The following RPH3A variants were observed in gnomAD, a reference collection of about 807,000 sequenced individuals.
RPH3A encodes the protein rabphilin 3A.
Under a neutral mutation model 102.2 loss-of-function variants are expected in RPH3A, and 48 were observed. The ratio of observed to expected loss-of-function variants is 0.47; its 90% CI spans 0.37 to 0.60. The LOEUF is 0.60. RPH3A is among the 20% of genes least tolerant of loss of function. The pLI is 0.00. For missense variants in RPH3A, 781 were observed against 910.1 expected (o/e 0.86, Z 1.83); for synonymous variants, 310 against 324.3 (o/e 0.96, Z 0.47).
At chr12:112,895,721 C>T in intron 20 of RPH3A, 56 bp from the exon 21 acceptor site, 1 of 1,286,302 alleles carries the variant, frequency 7.8e-7, no homozygotes, top group South Asian at 1.2e-5. Context: ...CTCTTACCTC[C>T]CAATGCTGTG....
chr12:112,702,641 A>C (rs2040402259), intron 1 of RPH3A, among the ~76,000 whole-genome samples: 1 of 152,248 alleles, frequency 6.6e-6, no homozygotes, highest in Non-Finnish European at 1.5e-5. Flanking sequence ...GGAGTAAAGA[A>C]GAGTGACTGA....
rs112279228 is a variant in RPH3A, at chr12:112,819,022, C to A, written c.-18-9279C>A. ...CCTCTCAACAACCCTGCAAGACAGG[C>A]ATAAGAAGAATATATATATATATAT... On this transcript the variant is annotated intron_variant, in intron 2 of 21. Coordinates refer to ENST00000389385, the MANE Select transcript of RPH3A (RefSeq NM_001143854.2). 5.0e-3 allele frequency among the ~76,000 whole-genome samples: 757 copies of A among 151,746 alleles called. 8 individuals are homozygous for A. The highest frequency in any genetic ancestry group is 0.017 in the African/African-American group (714 of 41,330).
chr12:112,740,996 C>T lies in RPH3A; in HGVS notation c.-139-51147C>T, dbSNP rs573348134. 9.2e-5 allele frequency among the ~76,000 whole-genome samples: 14 copies of T among 152,262 alleles called. No individual in the cohort carries two copies. In the East Asian group the frequency reaches 2.5e-3, roughly 27 times the overall value. ...GGCTTTTGCACTCCCAGTCACTTCT[C>T]GTGTGGAATTCTAGATGGGTCCATG... On this transcript the variant is annotated intron_variant, in intron 1 of 21. Transcript: ENST00000543106.
chr12:112,729,463 G>T (rs917653371), intron 1 of RPH3A, among the ~76,000 whole-genome samples: 1 of 152,102 alleles, frequency 6.6e-6, no homozygotes. Context: ...TAGGATTACA[G>T]GCATGAGCCG....
At chr12:112,792,990 G>A (rs2041154278) in intron 2 of RPH3A, among the ~76,000 whole-genome samples, 1 of 152,146 alleles carries the variant, frequency 6.6e-6, no homozygotes, top group South Asian at 2.1e-4. Flanking sequence ...CACTAGCTTG[G>A]GAGATTCTAT....
chr12:112,747,797 C>A (rs1372167711), intron 1 of RPH3A, among the ~76,000 whole-genome samples: 7 of 152,192 alleles, frequency 4.6e-5, no homozygotes, highest in Admixed American at 4.6e-4. Flanking sequence ...AAGTTTATTT[C>A]TTTTATGTGA....
chr12:112,687,586 C>T (rs946075394), intron 1 of RPH3A, among the ~76,000 whole-genome samples: 4 of 152,192 alleles, frequency 2.6e-5, no homozygotes, highest in African/African-American at 9.7e-5. Flanking sequence ...ACCACGTGTG[C>T]TATCATTGAA....
chr12:112,617,145 G>A (rs184348056), intron 1 of RPH3A, among the ~76,000 whole-genome samples: 140 of 152,280 alleles, frequency 9.2e-4, no homozygotes, highest in African/African-American at 3.2e-3. Flanking sequence ...CTCTGCTCCC[G>A]GTTTGTCCCC....
At chr12:112,816,748 C>T (rs574694146) in intron 2 of RPH3A, among the ~76,000 whole-genome samples, 31 of 152,210 alleles carry the variant, frequency 2.0e-4, no homozygotes, top group African/African-American at 6.7e-4. Flanking sequence ...CATAATCCAT[C>T]ATTGTTTTCC....
chr12:112,709,355 G>A (rs1228424863), intron 1 of RPH3A, among the ~76,000 whole-genome samples: 2 of 152,118 alleles, frequency 1.3e-5, no homozygotes, highest in African/African-American at 2.4e-5. Context: ...TTTGAGACCA[G>A]CCTGGGTAAC....
intron 13 of RPH3A, among the ~76,000 whole-genome samples, 182 bp from the exon 14 acceptor site, chr12:112,878,937 T>G (rs1037684099): frequency 3.3e-5 from 5 of 152,216 alleles, no homozygotes; most frequent in African/African-American, 4.8e-5. Flanking sequence ...ATCACAGATG[T>G]CCTGAGTGCT....
intron 1 of RPH3A, among the ~76,000 whole-genome samples, chr12:112,615,975 C>T (rs1003857077): frequency 1.3e-5 from 2 of 152,052 alleles, no homozygotes; most frequent in South Asian, 2.1e-4. Flanking sequence ...TGGATCTTGT[C>T]CCTAGGACCC....
intron 5 of RPH3A, among the ~76,000 whole-genome samples, chr12:112,853,146 G>A (rs1565920227): frequency 6.6e-6 from 1 of 152,134 alleles, no homozygotes; most frequent in African/African-American, 2.4e-5. Flanking sequence ...TGGACAGAGG[G>A]AGAAGTGAGT....
At chr12:112,772,715 T>A (rs1457877392) in intron 1 of RPH3A, among the ~76,000 whole-genome samples, 1 of 108,066 alleles carries the variant, frequency 9.3e-6, no homozygotes, top group Non-Finnish European at 2.0e-5. Context: ...GCACAGAAAT[T>A]AATTAATTAA....
At chr12:112,855,184 A>G (rs185419729) in intron 5 of RPH3A, among the ~76,000 whole-genome samples, 13 of 152,302 alleles carry the variant, frequency 8.5e-5, no homozygotes, top group African/African-American at 2.6e-4. Flanking sequence ...TCCACCCTTG[A>G]GCCCTGTACA....
intron 1 of RPH3A, among the ~76,000 whole-genome samples, chr12:112,613,446 C>A (rs1161068348): frequency 6.6e-6 from 1 of 152,026 alleles, no homozygotes; most frequent in African/African-American, 2.4e-5. Context: ...TAATGGCTCC[C>A]AAAGATGTCC....
At chr12:112,757,614 T>A (rs1565871600) in intron 1 of RPH3A, among the ~76,000 whole-genome samples, 1 of 152,174 alleles carries the variant, frequency 6.6e-6, no homozygotes, top group Non-Finnish European at 1.5e-5. Context: ...CAAGCTAAAA[T>A]ATCACACTGT....
intron 2 of RPH3A, among the ~76,000 whole-genome samples, chr12:112,806,191 T>C (rs753570812): frequency 6.6e-6 from 1 of 152,120 alleles, no homozygotes; most frequent in Non-Finnish European, 1.5e-5. Context: ...TGTTGACAAA[T>C]AGGAAAGGAA....
At chr12:112,827,664 A>T (rs530407074) in intron 2 of RPH3A, among the ~76,000 whole-genome samples, 1 of 152,234 alleles carries the variant, frequency 6.6e-6, no homozygotes, top group African/African-American at 2.4e-5. Context: ...ATTTTCTGAT[A>T]GCTTGGATGT....
Sources: gnomAD v4.1 joint callset for allele counts (sites outside exome capture counted in the v4.1 genomes callset) on GRCh38, gnomAD v4.1.1 for gene constraint, MANE v1.5 for transcripts, NCBI Gene and HGNC (gene_info 2026-07-23, HGNC 2026-07-21) for gene names.